The following DPP6 variants were observed in gnomAD, a reference collection of about 807,000 sequenced individuals.
DPP6 encodes A-type potassium channel modulatory protein DPP6.
A neutral mutation model predicts 122.6 loss-of-function variants in DPP6; 69 were observed. That is an observed-to-expected ratio of 0.56 (90% CI 0.46 to 0.69). The LOEUF (loss-of-function observed/expected upper bound fraction) is 0.69, where lower values mean the gene tolerates loss of function less well. Among genes scored for constraint, DPP6 ranks in the 30% least tolerant of loss-of-function variants. The pLI, the probability that DPP6 is intolerant of heterozygous loss-of-function variation, is 0.00. For synonymous variants in DPP6, 418 were observed against 433.1 expected, an observed-to-expected ratio of 0.97 and a Z score of 0.43; for missense variants, 928 against 1,116.9, an observed-to-expected ratio of 0.83 and a Z score of 2.41.
chr7:154,550,895 C>A (rs920922698), intron 4 of DPP6, among the ~76,000 whole-genome samples: 1 of 151,818 alleles, frequency 6.6e-6, no homozygotes, highest in Non-Finnish European at 1.5e-5. Context: ...GGATTACAGG[C>A]GAGTGCCACC....
chr7:154,206,838 G>C (rs1252108664), intron 1 of DPP6, among the ~76,000 whole-genome samples: 1 of 152,226 alleles, frequency 6.6e-6, no homozygotes, highest in Non-Finnish European at 1.5e-5. Flanking sequence ...AATGCTGTGT[G>C]ATGTGAATTT....
intron 6 of DPP6, among the ~76,000 whole-genome samples, chr7:154,650,708 C>G (rs57371656): frequency 6.6e-6 from 1 of 152,222 alleles, no homozygotes; most frequent in Non-Finnish European, 1.5e-5. Flanking sequence ...TGCTGACATG[C>G]AGCCTGCCAC....
intron 1 of DPP6, among the ~76,000 whole-genome samples, chr7:154,416,039 G>A (rs962289667): frequency 3.9e-5 from 6 of 151,992 alleles, no homozygotes; most frequent in African/African-American, 1.2e-4. Context: ...GGTCAACTGA[G>A]ATCCAAAAGT....
chr7:154,099,318 G>T (rs1805570475), intron 1 of DPP6, among the ~76,000 whole-genome samples: 1 of 152,064 alleles, frequency 6.6e-6, no homozygotes, highest in South Asian at 2.1e-4. Context: ...ACTCTCTTAA[G>T]CACTTGGATA....
At chr7:153,965,580 T>G (rs1158962458) in intron 1 of DPP6, among the ~76,000 whole-genome samples, 1 of 152,158 alleles carries the variant, frequency 6.6e-6, no homozygotes, top group African/African-American at 2.4e-5. Flanking sequence ...TGGCGCGATT[T>G]CAGCTCACTG....
chr7:154,848,238 G>A (rs1563278942), intron 16 of DPP6, among the ~76,000 whole-genome samples: 1 of 151,096 alleles, frequency 6.6e-6, no homozygotes, highest in Non-Finnish European at 1.5e-5. Context: ...TTTTTTTTGA[G>A]GAACCACCAT....
At chr7:154,200,415 T>A (rs1799110719) in intron 1 of DPP6, among the ~76,000 whole-genome samples, 1 of 152,184 alleles carries the variant, frequency 6.6e-6, no homozygotes, top group African/African-American at 2.4e-5. Flanking sequence ...ACCCTGCTGA[T>A]CTATCGAACG....
chr7:154,228,981 A>G (rs1800765251), intron 1 of DPP6, among the ~76,000 whole-genome samples: 1 of 152,222 alleles, frequency 6.6e-6, no homozygotes, highest in African/African-American at 2.4e-5. Flanking sequence ...ATGATTTTCC[A>G]TTAAAACTCT....
the DPP6 span, among the ~76,000 whole-genome samples, chr7:153,842,998 G>GCA: frequency 6.6e-6 from 1 of 151,970 alleles, no homozygotes. Flanking sequence ...GTGTGTGCAC[G>GCA]CACATACACA....
intron 7 of DPP6, among the ~76,000 whole-genome samples, chr7:154,677,214 A>G (rs1838967784): frequency 1.3e-5 from 2 of 152,220 alleles, no homozygotes; most frequent in Non-Finnish European, 2.9e-5. Context: ...CAAGCAAACT[A>G]TTCCAAGGAT....
chr7:154,777,398 G>T (rs1177691268), intron 10 of DPP6, among the ~76,000 whole-genome samples: 1 of 152,094 alleles, frequency 6.6e-6, no homozygotes, highest in African/African-American at 2.4e-5. Flanking sequence ...GCCCAGAGTA[G>T]AGCTCAGCCT....
chr7:154,245,365 T>A (rs1195719344), intron 1 of DPP6, among the ~76,000 whole-genome samples: 1 of 151,632 alleles, frequency 6.6e-6, no homozygotes, highest in Non-Finnish European at 1.5e-5. Flanking sequence ...CCAGGCATGG[T>A]GGCTCAGGTC....
chr7:154,762,721 C>T lies in DPP6; in HGVS notation c.884-6696C>T, dbSNP rs547743355. ...ATCCTCCTGCTTCAAGCAAGGGCTCCGCCATCTCTCCTGCAGATAAAAACT... is the reference window on the plus strand; with the variant it reads ...ATCCTCCTGCTTCAAGCAAGGGCTCTGCCATCTCTCCTGCAGATAAAAACT... On this transcript the variant is annotated intron_variant, in intron 8 of 25. Transcript: ENST00000377770. 5.1e-4 allele frequency among the ~76,000 whole-genome samples: 77 copies of T among 152,238 alleles called. 1 individual carries two copies. The highest frequency in any genetic ancestry group is 7.5e-4 in the Non-Finnish European group (51 of 68,052).
At chr7:153,793,172 G>A in the DPP6 span, among the ~76,000 whole-genome samples, 1 of 152,110 alleles carries the variant, frequency 6.6e-6, no homozygotes, top group Non-Finnish European at 1.5e-5. Context: ...AGAGGCAGAG[G>A]TTGGAACAGT....
intron 1 of DPP6, among the ~76,000 whole-genome samples, chr7:154,299,634 G>A (rs780372137): frequency 2.0e-5 from 3 of 152,210 alleles, no homozygotes; most frequent in Non-Finnish European, 4.4e-5. Context: ...GTTAGAAGAA[G>A]TGACTTCTCT....
Position 154,578,377 on chromosome 7 carries a change from G to A in DPP6, c.627+11461G>A, listed in dbSNP as rs978194736. Among the ~76,000 whole-genome samples the A allele has an allele frequency of 7.4e-4, 113 of 152,264 alleles. 1 individual carries two copies. Among genetic ancestry groups the A allele is most frequent in the African/African-American group, 2.7e-3 (111 of 41,546 alleles). On this transcript the variant is annotated intron_variant, in intron 5 of 25. Coordinates refer to ENST00000377770, the MANE Select transcript of DPP6 (RefSeq NM_130797.4). ...AAACAATAGGTTTTCATTTTCTAAT[G>A]TTCTTTTTCCCACTGTATCAGGTTG...
intron 2 of DPP6, among the ~76,000 whole-genome samples, chr7:154,466,383 T>A (rs924767936): frequency 1.3e-5 from 2 of 152,192 alleles, no homozygotes; most frequent in Admixed American, 6.5e-5. Context: ...AGAATTTCAT[T>A]TCTCACACTT....
intron 1 of DPP6, among the ~76,000 whole-genome samples, chr7:153,962,601 A>G (rs1795408169): frequency 6.6e-6 from 1 of 152,156 alleles, no homozygotes. Context: ...GGAACTTCCT[A>G]ACAAACGTTT....
chr7:153,999,663 A>G (rs370841568), intron 1 of DPP6, among the ~76,000 whole-genome samples: 1 of 152,222 alleles, frequency 6.6e-6, no homozygotes, highest in East Asian at 1.9e-4. Flanking sequence ...ACTAAGATAC[A>G]TTAAAAGAAA....
Sources: gnomAD v4.1 joint callset for allele counts (sites outside exome capture counted in the v4.1 genomes callset) on GRCh38, gnomAD v4.1.1 for gene constraint, MANE v1.5 for transcripts, NCBI Gene and HGNC (gene_info 2026-07-23, HGNC 2026-07-21) for gene names.